CHCHD6: variants seen among roughly 807,000 people sequenced by gnomAD.
The protein encoded by CHCHD6 is coiled-coil-helix-coiled-coil-helix domain containing 6.
A neutral mutation model predicts 32.3 loss-of-function variants in CHCHD6; 28 were observed. The observed-to-expected ratio is 0.87, with a 90% CI of 0.64 to 1.19. The LOEUF (loss-of-function observed/expected upper bound fraction) is 1.19. Ranked by LOEUF, CHCHD6 falls within the 50% of genes most tolerant of loss-of-function variation. CHCHD6 has a pLI of 0.00. For synonymous variants in CHCHD6, 122 were observed against 117.5 expected (o/e 1.04, Z -0.25); for missense variants, 333 against 307.0 (o/e 1.08, Z -0.63).
intron 6 of CHCHD6, among the ~76,000 whole-genome samples, chr3:126,956,100 TA>T (rs1219258025): frequency 6.6e-6 from 1 of 152,216 alleles, no homozygotes; most frequent in Non-Finnish European, 1.5e-5. Context: ...CGTTAGATGA[TA>T]ACGGCTCTGG....
At chr3:126,861,684 CA>C (rs1941880882) in intron 5 of CHCHD6, among the ~76,000 whole-genome samples, 1 of 147,536 alleles carries the variant, frequency 6.8e-6, no homozygotes, top group African/African-American at 2.5e-5. Flanking sequence ...CCTTCCCCTC[CA>C]TGACCATCAC....
At chr3:126,939,144 A>T (rs183877562) in intron 6 of CHCHD6, among the ~76,000 whole-genome samples, 2 of 152,276 alleles carry the variant, frequency 1.3e-5, no homozygotes, top group Non-Finnish European at 2.9e-5. Context: ...GTAAGGTTCC[A>T]GTTCAAGCCA....
intron 6 of CHCHD6, among the ~76,000 whole-genome samples, chr3:126,923,798 CG>C (rs1401060560): frequency 2.6e-5 from 4 of 152,178 alleles, no homozygotes; most frequent in African/African-American, 9.7e-5. Context: ...AGTAAGCACT[CG>C]ATGCATGGTA....
intron 6 of CHCHD6, chr3:126,949,138 CAG>C (rs1369806115): frequency 1.3e-5 from 2 of 152,486 alleles, no homozygotes; most frequent in African/African-American, 4.8e-5. Flanking sequence ...TCCTGCTTGG[CAG>C]AGTCTCAGAT....
intron 6 of CHCHD6, among the ~76,000 whole-genome samples, chr3:126,955,151 A>G (rs991166217): frequency 6.6e-6 from 1 of 152,240 alleles, no homozygotes; most frequent in Non-Finnish European, 1.5e-5. Context: ...AAAGCCCACA[A>G]CTAGACACAC....
At chr3:126,793,059 C>G (rs994985076) in intron 4 of CHCHD6, among the ~76,000 whole-genome samples, 2 of 152,028 alleles carry the variant, frequency 1.3e-5, no homozygotes, top group Admixed American at 6.6e-5. Flanking sequence ...ATGGCCCATC[C>G]AGCTTTCTTT....
At chr3:126,763,268 CT>C (rs1448680030) in intron 4 of CHCHD6, among the ~76,000 whole-genome samples, 1 of 148,628 alleles carries the variant, frequency 6.7e-6, no homozygotes, top group Non-Finnish European at 1.5e-5. Context: ...TTTCCTTCCC[CT>C]CCCCTCCCTT....
intron 4 of CHCHD6, among the ~76,000 whole-genome samples, chr3:126,814,365 A>G (rs1311726238): frequency 6.6e-6 from 1 of 152,224 alleles, no homozygotes; most frequent in African/African-American, 2.4e-5. Flanking sequence ...TACAACTCCT[A>G]AAATCCTTGG....
At chr3:126,892,070 T>A (rs1462744109) in intron 5 of CHCHD6, among the ~76,000 whole-genome samples, 3 of 152,154 alleles carry the variant, frequency 2.0e-5, no homozygotes, top group African/African-American at 7.2e-5. Context: ...GCCTTCATGT[T>A]GCATGTTTTT....
chr3:126,707,911 G>A (rs1934573272), intron 1 of CHCHD6, among the ~76,000 whole-genome samples: 1 of 152,246 alleles, frequency 6.6e-6, no homozygotes, highest in Admixed American at 6.5e-5. Flanking sequence ...CCAGCACTGG[G>A]CCTGGCCTTG....
At chr3:126,742,241 C>A (rs781697628) in intron 4 of CHCHD6, among the ~76,000 whole-genome samples, 1 of 152,172 alleles carries the variant, frequency 6.6e-6, no homozygotes, top group African/African-American at 2.4e-5. Flanking sequence ...TTTGCAGCAG[C>A]GGTAGCCACA....
intron 4 of CHCHD6, among the ~76,000 whole-genome samples, chr3:126,779,535 CAAAAAAAA>C (rs11288509): frequency 2.6e-5 from 2 of 78,094 alleles, no homozygotes; most frequent in African/African-American, 1.0e-4. Flanking sequence ...GACTCCATCT[CAAAAAAAA>C]AAAAAAAAAA....
rs531639789 is a variant in CHCHD6, at chr3:126,873,505, G to A, written c.495+20775G>A. On this transcript the variant is annotated intron_variant, in intron 5 of 7. Coordinates refer to ENST00000290913, the MANE Select transcript of CHCHD6 (RefSeq NM_032343.3). ...GAGTTTCCTGTCCTTCCCTATGGCT[G>A]TTGATTCAGAATGTGAGATGCCAGT... 5.9e-5 allele frequency among the ~76,000 whole-genome samples: 9 copies of A among 152,324 alleles called. No individual in the cohort carries two copies. In the East Asian group the frequency reaches 1.5e-3, roughly 26 times the overall value.
intron 4 of CHCHD6, among the ~76,000 whole-genome samples, chr3:126,808,362 A>G (rs1201235891): frequency 6.6e-6 from 1 of 152,186 alleles, no homozygotes; most frequent in Non-Finnish European, 1.5e-5. Flanking sequence ...TGAGGGCTGT[A>G]GGTCCAACCC....
At chr3:126,847,003 C>T (rs1052599631) in intron 4 of CHCHD6, among the ~76,000 whole-genome samples, 9 of 152,100 alleles carry the variant, frequency 5.9e-5, no homozygotes, top group African/African-American at 2.2e-4. Context: ...AGTAGCAAGT[C>T]GTTAGGGTTT....
intron 4 of CHCHD6, among the ~76,000 whole-genome samples, chr3:126,828,555 T>C (rs1452131305): frequency 6.6e-6 from 1 of 152,262 alleles, no homozygotes; most frequent in Non-Finnish European, 1.5e-5. Flanking sequence ...GCTTCTGTGT[T>C]GCAGGCCCGT....
intron 4 of CHCHD6, among the ~76,000 whole-genome samples, chr3:126,796,661 G>A (rs1938806637): frequency 6.6e-6 from 1 of 152,148 alleles, no homozygotes; most frequent in Non-Finnish European, 1.5e-5. Context: ...TTGTGCTCCT[G>A]GGGTTAGGAC....
At chr3:126,707,510 G>A (rs929068548) in intron 1 of CHCHD6, among the ~76,000 whole-genome samples, 1 of 152,118 alleles carries the variant, frequency 6.6e-6, no homozygotes, top group Non-Finnish European at 1.5e-5. Flanking sequence ...CAGTCATGGC[G>A]CATATGTGTC....
intron 2 of CHCHD6, among the ~76,000 whole-genome samples, chr3:126,727,974 T>TAA (rs35326256): frequency 1.4e-5 from 2 of 144,516 alleles, no homozygotes; most frequent in Non-Finnish European, 3.0e-5. Context: ...GTAACTCAAT[T>TAA]AAAAAAAAAA....
Sources: allele counts gnomAD v4.1 joint callset (sites outside exome capture counted in the v4.1 genomes callset), GRCh38; gene constraint gnomAD v4.1.1; transcripts MANE v1.5; gene names NCBI Gene and HGNC (gene_info 2026-07-23, HGNC 2026-07-21).